LMO7: variants seen among roughly 807,000 people sequenced by gnomAD.
The protein encoded by LMO7 is LIM domain 7, also known as LIM domain only protein 7.
Under a neutral mutation model 206.5 loss-of-function variants are expected in LMO7, and 120 were observed. The ratio of observed to expected loss-of-function variants is 0.58; its 90% CI spans 0.50 to 0.68. LMO7 has a LOEUF of 0.68. Among genes scored for constraint, LMO7 ranks in the 30% least tolerant of loss-of-function variants. LMO7 has a pLI of 0.00. For missense variants in LMO7, 1,959 were observed against 1,957.9 expected (o/e 1.00, Z -0.01); for synonymous variants, 706 against 681.5 (o/e 1.04, Z -0.56).
chr13:75,776,109 AT>A, intron 4 of LMO7, among the ~76,000 whole-genome samples: 1 of 105,820 alleles, frequency 9.5e-6, no homozygotes, highest in South Asian at 3.8e-4. Context: ...ATATATATAT[AT>A]ATACATACAT....
Position 75,800,853 on chromosome 13 carries a change from C to T in LMO7, c.632C>T (p.Ser211Phe), listed in dbSNP as rs1214238336. The stretch of plus-strand genomic sequence containing the variant: ...TCGAGGTCATTGACAAGCTGCTCCT[C>T]TGATATCACGTTGAGAGGGGGGCGT... ...LGSRSLTSCS[S>F]DITLRGGREG... The change falls in exon 7 of 31, where the codon TCT becomes TTT. Residue 211 changes from serine (S) to phenylalanine (F), a missense_variant. Coordinates refer to ENST00000377534, the MANE Select transcript of LMO7 (RefSeq NM_001306080.2). 1.9e-6 allele frequency: 3 copies of T among 1,613,868 alleles called. No homozygotes were observed. Among genetic ancestry groups the T allele is most frequent in the Admixed American group, 3.3e-5 (2 of 59,994 alleles).
chr13:75,763,764 T>A (rs2048494738), intron 4 of LMO7, among the ~76,000 whole-genome samples: 1 of 152,084 alleles, frequency 6.6e-6, no homozygotes, highest in Non-Finnish European at 1.5e-5. Flanking sequence ...TGAGGGGAAC[T>A]TTTTTGTTAG....
At chr13:75,714,104 A>G (rs985618365) in intron 2 of LMO7, among the ~76,000 whole-genome samples, 12 of 152,194 alleles carry the variant, frequency 7.9e-5, no homozygotes, top group African/African-American at 2.9e-4. Flanking sequence ...GAGTGTATAC[A>G]CTAGTACTTA....
chr13:75,777,925 G>T (rs983090218), intron 4 of LMO7, among the ~76,000 whole-genome samples: 5 of 152,232 alleles, frequency 3.3e-5, no homozygotes, highest in African/African-American at 1.2e-4. Flanking sequence ...GATTACAGGC[G>T]TAAGCCACCG....
intron 4 of LMO7, among the ~76,000 whole-genome samples, chr13:75,765,338 A>G (rs1341364706): frequency 6.8e-6 from 1 of 146,522 alleles, no homozygotes; most frequent in Non-Finnish European, 1.5e-5. Flanking sequence ...TTGCAAGTAC[A>G]TGTCTTTCAA....
At chr13:75,632,665 C>G (rs1663722204), upstream of LMO7, among the ~76,000 whole-genome samples, 1 of 152,178 alleles carries the variant, frequency 6.6e-6, no homozygotes, top group South Asian at 2.1e-4. Flanking sequence ...GGCTGCCGCC[C>G]CCAAAGCTAG....
At position 75,787,856 on chromosome 13, in the gene LMO7, CT is replaced by C. The variant is rs1465160249; in HGVS notation, c.318-7538del. Among the ~76,000 whole-genome samples the C allele has an allele frequency of 2.0e-5, 3 of 152,112 alleles. No individual in the cohort carries two copies. The East Asian group carries it at 5.8e-4, about 29-fold the overall frequency. On this transcript the variant is annotated intron_variant, in intron 4 of 30. Transcript: ENST00000377534. ...TTAGTTTTCTTTTTAATGCAGCTTA[CT>C]TTTTTTGAGAGAAGGAAAGAAGTGA...
chr13:75,838,473 AAGG>A, intron 20 of LMO7: 1 of 562,066 alleles, frequency 1.8e-6, no homozygotes, highest in Non-Finnish European at 2.7e-6. Context: ...AAAAAAAAAA[AAGG>A]GAGATGCTCT....
intron 4 of LMO7, among the ~76,000 whole-genome samples, chr13:75,789,961 G>A (rs544330917): frequency 1.5e-3 from 227 of 152,230 alleles, no homozygotes; most frequent in African/African-American, 5.2e-3. Flanking sequence ...GGCAGGCCCT[G>A]GTAAACCAAG....
intron 2 of LMO7, among the ~76,000 whole-genome samples, chr13:75,724,406 G>T (rs1012441220): frequency 6.6e-6 from 1 of 152,056 alleles, no homozygotes; most frequent in Non-Finnish European, 1.5e-5. Flanking sequence ...TGAAAAAATG[G>T]CTCCTTGACT....
intron 4 of LMO7, among the ~76,000 whole-genome samples, chr13:75,775,051 G>A (rs2050199160): frequency 6.6e-6 from 1 of 152,050 alleles, no homozygotes; most frequent in South Asian, 2.1e-4. Flanking sequence ...TTTTAAGTAT[G>A]TTTTTAGAAA....
chr13:75,635,092 A>G (rs1180285034), upstream of LMO7, among the ~76,000 whole-genome samples: 1 of 152,228 alleles, frequency 6.6e-6, no homozygotes, highest in East Asian at 1.9e-4. Flanking sequence ...AAAACCCTCC[A>G]GCAGAAAAGG....
chr13:75,760,196 C>T (rs941552274), intron 3 of LMO7: 2 of 173,318 alleles, frequency 1.2e-5, no homozygotes, highest in Non-Finnish European at 2.3e-5. Context: ...TAACGAAGAG[C>T]ACTGGTTTGT....
chr13:75,707,722 C>A (rs964051716), intron 1 of LMO7, among the ~76,000 whole-genome samples: 14 of 152,070 alleles, frequency 9.2e-5, no homozygotes, highest in African/African-American at 3.1e-4. Context: ...TTATTTAAAA[C>A]CTTTGTTTAG....
At chr13:75,633,106 G>A (rs1306837808), upstream of LMO7, among the ~76,000 whole-genome samples, 6 of 151,812 alleles carry the variant, frequency 4.0e-5, no homozygotes, top group South Asian at 2.1e-4. Context: ...TTAGTGACCC[G>A]CCCGCCTCGG....
At chr13:75,635,032 A>AT (rs5804828), upstream of LMO7, among the ~76,000 whole-genome samples, 2 of 151,316 alleles carry the variant, frequency 1.3e-5, no homozygotes. Context: ...ACAAAACAAA[A>AT]CAAAACAAAA....
At chr13:75,712,518 G>A (rs959063120) in intron 1 of LMO7, among the ~76,000 whole-genome samples, 1 of 152,148 alleles carries the variant, frequency 6.6e-6, no homozygotes, top group Non-Finnish European at 1.5e-5. Flanking sequence ...AACATTATTG[G>A]TGGTGGTAAC....
At chr13:75,818,270 C>T (rs749675997) in intron 12 of LMO7, among the ~76,000 whole-genome samples, 3 of 152,078 alleles carry the variant, frequency 2.0e-5, no homozygotes, top group African/African-American at 4.8e-5. Context: ...GGACTAAATG[C>T]GCATTGCTTT....
chr13:75,629,428 T>A (rs1446633439), intron 2 of LMO7, among the ~76,000 whole-genome samples: 1 of 152,172 alleles, frequency 6.6e-6, no homozygotes, highest in African/African-American at 2.4e-5. Context: ...ATAAAGAAGA[T>A]ATGCCTCACC....
Sources: allele counts gnomAD v4.1 joint callset (sites outside exome capture counted in the v4.1 genomes callset), GRCh38; gene constraint gnomAD v4.1.1; transcripts MANE v1.5; gene names NCBI Gene and HGNC (gene_info 2026-07-23, HGNC 2026-07-21).